GNA14: variants seen among roughly 807,000 people sequenced by gnomAD.
GNA14 encodes the protein guanine nucleotide-binding protein subunit alpha-14.
In GNA14, 50 loss-of-function variants were observed where a neutral mutation model predicts 42.0. The observed-to-expected ratio is 1.19, with a 90% CI of 0.95 to 1.51. The LOEUF is 1.51. GNA14 is among the 40% of genes most tolerant of loss of function. The probability of loss-of-function intolerance (pLI) is 0.00; values close to 1 mark genes in which losing one functional copy is unlikely to be tolerated. For missense variants in GNA14, 473 were observed against 446.2 expected, an observed-to-expected ratio of 1.06 and a Z score of -0.54; for synonymous variants, 173 against 163.1, an observed-to-expected ratio of 1.06 and a Z score of -0.46.
intron 2 of GNA14, among the ~76,000 whole-genome samples, chr9:77,484,532 T>C (rs940291974): frequency 1.3e-5 from 2 of 152,182 alleles, no homozygotes; most frequent in African/African-American, 2.4e-5. Context: ...TATAAAATTG[T>C]TTCCATTAGA....
At chr9:77,474,147 C>T (rs946152293) in intron 2 of GNA14, among the ~76,000 whole-genome samples, 2 of 151,908 alleles carry the variant, frequency 1.3e-5, no homozygotes, top group African/African-American at 4.8e-5. Context: ...AAGAAAAAAC[C>T]GATAAGTTGG....
chr9:77,505,580 G>A (rs935393647), intron 2 of GNA14, among the ~76,000 whole-genome samples: 2 of 152,202 alleles, frequency 1.3e-5, no homozygotes, highest in Non-Finnish European at 2.9e-5. Flanking sequence ...ATAAATGCAT[G>A]GGTGAATGAA....
At chr9:77,603,953 A>C (rs1243268652) in intron 1 of GNA14, among the ~76,000 whole-genome samples, 142 of 139,942 alleles carry the variant, frequency 1.0e-3, no homozygotes, top group Non-Finnish European at 1.8e-3. Context: ...CAAAAAAAAA[A>C]AACAAAAAAA....
chr9:77,608,102 T>C (rs1823668090), intron 1 of GNA14, among the ~76,000 whole-genome samples: 1 of 152,224 alleles, frequency 6.6e-6, no homozygotes, highest in Non-Finnish European at 1.5e-5. Flanking sequence ...GCCAAGGGCA[T>C]GATGCTGCTA....
chr9:77,441,926 T>A (rs556389661), intron 2 of GNA14, among the ~76,000 whole-genome samples: 25 of 152,362 alleles, frequency 1.6e-4, no homozygotes, highest in Non-Finnish European at 3.1e-4. Flanking sequence ...TAGTTAACTA[T>A]GCCAGAGAAA....
At chr9:77,434,290 T>A in intron 3 of GNA14, 78 bp downstream of exon 3, 2 of 1,345,998 alleles carry the variant, frequency 1.5e-6, no homozygotes, top group Non-Finnish European at 2.1e-6. Context: ...TCAGCAGCGT[T>A]CAGCGAGAAA....
intron 1 of GNA14, among the ~76,000 whole-genome samples, chr9:77,536,346 T>C (rs1837598249): frequency 6.7e-6 from 1 of 150,320 alleles, no homozygotes; most frequent in South Asian, 2.1e-4. Flanking sequence ...TTTTGTTAGG[T>C]TTTTTTTGTG....
Position 77,534,135 on chromosome 9 carries a change from T to A in GNA14, c.125-4882A>T, listed in dbSNP as rs555574881. Among the ~76,000 whole-genome samples, 24 of 152,350 alleles carry A rather than the reference T, an allele frequency of 1.6e-4. No individual in the cohort carries two copies. The South Asian group carries it at 5.0e-3, about 32-fold the overall frequency. On this transcript the variant is annotated intron_variant, in intron 1 of 6. Transcript: ENST00000341700. ...GATCAAACTAAATATAACAAATGAC[T>A]TCAGCAATATTTCAAATAAAAACAT...
rs572351813 is a variant in GNA14 at position 77,502,870 on chromosome 9, C to T, written c.309+26199G>A. Among the ~76,000 whole-genome samples the T allele has an allele frequency of 1.3e-3, 194 of 152,278 alleles. 4 individuals carry two copies. The highest frequency in any genetic ancestry group is 2.7e-3 in the South Asian group (13 of 4,822). On this transcript the variant is annotated intron_variant, in intron 2 of 6. Transcript: ENST00000341700. Reference sequence around the variant, plus strand: ...TAAAGCAGGGTGGCTATTGCTTAAACTTTGTCTGTCTTCTAGCTTGTCCTT... The same window carrying T: ...TAAAGCAGGGTGGCTATTGCTTAAATTTTGTCTGTCTTCTAGCTTGTCCTT...
intron 2 of GNA14, among the ~76,000 whole-genome samples, chr9:77,479,033 C>T (rs951319421): frequency 6.6e-6 from 1 of 152,044 alleles, no homozygotes; most frequent in African/African-American, 2.4e-5. Flanking sequence ...TTAATTAGAT[C>T]CCATTTGTCA....
intron 2 of GNA14, among the ~76,000 whole-genome samples, chr9:77,451,202 G>C (rs12336869): frequency 3.9e-5 from 6 of 152,178 alleles, no homozygotes; most frequent in Non-Finnish European, 8.8e-5. Context: ...GGGAGCTTTC[G>C]ATGAATTTAT....
intron 2 of GNA14, among the ~76,000 whole-genome samples, chr9:77,493,606 C>A (rs2131738157): frequency 6.6e-6 from 1 of 152,304 alleles, no homozygotes; most frequent in East Asian, 1.9e-4. Flanking sequence ...ATTGATCTAT[C>A]CATATCAAAT....
At chr9:77,576,110 C>A (rs1011685839) in intron 1 of GNA14, among the ~76,000 whole-genome samples, 1 of 152,112 alleles carries the variant, frequency 6.6e-6, no homozygotes, top group Non-Finnish European at 1.5e-5. Context: ...AATTAAGAGA[C>A]ATAAATATAC....
chr9:77,447,476 A>G (rs1835840418), intron 2 of GNA14, among the ~76,000 whole-genome samples: 1 of 152,054 alleles, frequency 6.6e-6, no homozygotes, highest in Non-Finnish European at 1.5e-5. Context: ...AGAGAATTCT[A>G]TTTCTTTTTC....
chr9:77,477,247 T>C (rs1836446381), intron 2 of GNA14, among the ~76,000 whole-genome samples: 1 of 151,990 alleles, frequency 6.6e-6, no homozygotes, highest in Non-Finnish European at 1.5e-5. Context: ...CTCAGGAGGC[T>C]GTGGTGGGAG....
intron 2 of GNA14, among the ~76,000 whole-genome samples, chr9:77,500,194 T>A (rs911564898): frequency 6.6e-6 from 1 of 152,040 alleles, no homozygotes; most frequent in African/African-American, 2.4e-5. Context: ...GGCTACTTTT[T>A]TTCAGTAGAG....
intron 2 of GNA14, among the ~76,000 whole-genome samples, chr9:77,447,802 T>G (rs1363585164): frequency 1.3e-5 from 2 of 152,164 alleles, no homozygotes; most frequent in Non-Finnish European, 2.9e-5. Context: ...GGTCTGGACA[T>G]GGTGGACTTT....
intron 1 of GNA14, among the ~76,000 whole-genome samples, chr9:77,539,051 T>C (rs749325439): frequency 6.6e-6 from 1 of 152,220 alleles, no homozygotes; most frequent in Non-Finnish European, 1.5e-5. Flanking sequence ...CTATGTTGAA[T>C]AGGAGTGGTG....
chr9:77,538,180 C>G (rs541843191), intron 1 of GNA14, among the ~76,000 whole-genome samples: 35 of 151,860 alleles, frequency 2.3e-4, no homozygotes, highest in African/African-American at 8.4e-4. Context: ...AAGTGATCCT[C>G]CTGTCTCAGT....
Sources: gnomAD v4.1 joint callset for allele counts (sites outside exome capture counted in the v4.1 genomes callset) on GRCh38, gnomAD v4.1.1 for gene constraint, MANE v1.5 for transcripts, NCBI Gene and HGNC (gene_info 2026-07-23, HGNC 2026-07-21) for gene names.